NAV1: variants seen among roughly 807,000 people sequenced by gnomAD.
NAV1 encodes the protein pore membrane and/or filament interacting like protein 3.
Under a neutral mutation model 175.2 loss-of-function variants are expected in NAV1, and 18 were observed. The observed-to-expected ratio is 0.10, with a 90% CI of 0.07 to 0.15. The LOEUF (loss-of-function observed/expected upper bound fraction) is 0.15. Ranked by LOEUF, NAV1 falls within the 10% of genes least tolerant of loss-of-function variation. The pLI, the probability that NAV1 is intolerant of heterozygous loss-of-function variation, is 1.00. For missense variants in NAV1, 1,731 were observed against 2,436.6 expected (o/e 0.71, Z 6.10); for synonymous variants, 897 against 978.7 (o/e 0.92, Z 1.56).
intron 15 of NAV1, among the ~76,000 whole-genome samples, chr1:201,798,904 T>C (rs2102771676): frequency 6.6e-6 from 1 of 151,950 alleles, no homozygotes; most frequent in East Asian, 1.9e-4. Flanking sequence ...GGTCTCACCA[T>C]GTTGGCCAGG....
At chr1:201,776,954 AACAGGTC>A (rs1432534047) in intron 3 of NAV1, among the ~76,000 whole-genome samples, 1 of 152,188 alleles carries the variant, frequency 6.6e-6, no homozygotes, top group Non-Finnish European at 1.5e-5. Flanking sequence ...GACAAAAAAA[AACAGGTC>A]ACATACAAGG....
chr1:201,562,156 C>A (rs1045440928), intron 1 of NAV1, among the ~76,000 whole-genome samples: 3 of 149,882 alleles, frequency 2.0e-5, no homozygotes. Flanking sequence ...AGGCACACAC[C>A]ACCTTGCCTG....
At chr1:201,765,306 C>T (rs561751489) in intron 3 of NAV1, among the ~76,000 whole-genome samples, 3 of 149,702 alleles carry the variant, frequency 2.0e-5, no homozygotes, top group East Asian at 2.0e-4. Context: ...ATTTCAGCAT[C>T]GAACAGAATG....
chr1:201,713,690 A>C (rs546424090), intron 2 of NAV1, among the ~76,000 whole-genome samples: 1 of 152,278 alleles, frequency 6.6e-6, no homozygotes, highest in South Asian at 2.1e-4. Context: ...GGCAGAACAG[A>C]CAGCCAGATT....
In NAV1 at chr1:201,813,078, A is replaced by C. The variant is rs1678792995; in HGVS notation, c.5222-62A>C. 9.1e-6 allele frequency: 11 copies of C among 1,208,268 alleles called. No individual in the cohort carries two copies. The East Asian group carries it at 2.6e-4, about 28-fold the overall frequency. 74.8% of individuals were successfully genotyped at this position (1,208,268 alleles called of 1,614,324 possible). A position where few individuals can be genotyped will look rare whatever the true frequency, so the allele number is the denominator to read the frequency against. Reference sequence around the variant, plus strand: ...TCTGCCTGGTACTAAGGAGTAAAAGAGGCACACAACCGGGAAGATCTAGGT... The same window carrying C: ...TCTGCCTGGTACTAAGGAGTAAAAGCGGCACACAACCGGGAAGATCTAGGT... On this transcript the variant is annotated intron_variant, in intron 27 of 29. Coordinates refer to ENST00000367296, the Ensembl canonical transcript of NAV1. The surrounding 1 kb of genome is among the most constrained non-coding windows in gnomAD (Gnocchi z 4.2).
chr1:201,762,354 C>T (rs1245253874), intron 3 of NAV1, among the ~76,000 whole-genome samples: 2 of 151,946 alleles, frequency 1.3e-5, no homozygotes, highest in African/African-American at 4.8e-5. Flanking sequence ...TTTAGGGGTT[C>T]TTTTTTTGGT....
intron 28 of NAV1, among the ~76,000 whole-genome samples, chr1:201,815,493 C>T (rs1245178621): frequency 1.3e-5 from 2 of 152,204 alleles, no homozygotes; most frequent in Admixed American, 6.5e-5. Flanking sequence ...AAGACAAATA[C>T]TGCATGATCT....
rs1252869758 is a variant in NAV1, at chr1:201,817,291, TA to T, written c.5538+7del. 2 of 1,613,362 alleles carry T rather than the reference TA, an allele frequency of 1.2e-6. No individual in the cohort carries two copies. Among genetic ancestry groups the T allele is most frequent in the Non-Finnish European group, 1.7e-6 (2 of 1,179,626 alleles). On this transcript the variant is annotated splice_region_variant and intron_variant, in intron 29 of 29. Transcript: ENST00000367296. Reference sequence around the variant, plus strand: ...CTCTGGACTCAGATCCTCTGGTGAGTAGAAGCCATTCTAGAGTAAAAATAAG... The same window carrying T: ...CTCTGGACTCAGATCCTCTGGTGAGTGAAGCCATTCTAGAGTAAAAATAAG...
At chr1:201,758,055 T>G (rs905694735) in intron 3 of NAV1, among the ~76,000 whole-genome samples, 1 of 152,228 alleles carries the variant, frequency 6.6e-6, no homozygotes, top group African/African-American at 2.4e-5. Flanking sequence ...TTTTTTTTCT[T>G]GTCCTCACCA....
At chr1:201,647,143 C>G (rs1452127076), upstream of NAV1, among the ~76,000 whole-genome samples, 1 of 152,216 alleles carries the variant, frequency 6.6e-6, no homozygotes, top group African/African-American at 2.4e-5. Flanking sequence ...CCTCCACTTT[C>G]TCCTGAGAGC....
intron 3 of NAV1, among the ~76,000 whole-genome samples, chr1:201,747,798 C>T (rs2102584388): frequency 6.6e-6 from 1 of 152,276 alleles, no homozygotes; most frequent in Non-Finnish European, 1.5e-5. Context: ...TACTGTTTTT[C>T]CCCCATTTAA....
At chr1:201,613,403 T>A (rs1489365802) in intron 2 of NAV1, among the ~76,000 whole-genome samples, 1 of 152,172 alleles carries the variant, frequency 6.6e-6, no homozygotes, top group Non-Finnish European at 1.5e-5. Context: ...ACAATGTTTC[T>A]GCTATTCTGA....
At chr1:201,580,190 A>G (rs1196472119) in intron 1 of NAV1, among the ~76,000 whole-genome samples, 2 of 152,190 alleles carry the variant, frequency 1.3e-5, no homozygotes, top group African/African-American at 2.4e-5. Flanking sequence ...GGCTGCCCAC[A>G]TTGGGTGAAG....
intron 1 of NAV1, among the ~76,000 whole-genome samples, chr1:201,684,721 C>T (rs560508597): frequency 2.6e-5 from 4 of 152,080 alleles, no homozygotes; most frequent in South Asian, 4.2e-4. Context: ...GTGATCCACT[C>T]GCCTCAGCCT....
intron 1 of NAV1, among the ~76,000 whole-genome samples, chr1:201,574,583 C>T (rs1350369091): frequency 6.6e-6 from 1 of 152,186 alleles, no homozygotes; most frequent in East Asian, 1.9e-4. Context: ...ATCCCAGTAG[C>T]TTACTGAGCA....
chr1:201,549,077 C>CTCTTTCTTTCTTTCTTTCTTTCTT (rs200725995), intron 1 of NAV1, among the ~76,000 whole-genome samples: 1 of 130,012 alleles, frequency 7.7e-6, no homozygotes, highest in African/African-American at 3.0e-5. Flanking sequence ...TTCTAGTTTT[C>CTCTTTCTTTCTTTCTTTCTTTCTT]TCTTTCTTTC....
At chr1:201,641,966 TTC>T (rs768012005) in intron 2 of NAV1, among the ~76,000 whole-genome samples, 25 of 149,928 alleles carry the variant, frequency 1.7e-4, no homozygotes, top group Non-Finnish European at 2.8e-4. Flanking sequence ...CTTCCTTCCT[TTC>T]TCTCTCTCTC....
In NAV1 at chr1:201,565,685, AT is replaced by A. The variant is rs1480294364; in HGVS notation, c.-143-22849del. 3.3e-5 allele frequency among the ~76,000 whole-genome samples: 5 copies of A among 152,170 alleles called. No individual in the cohort carries two copies. The East Asian group carries it at 9.6e-4, about 29-fold the overall frequency. The stretch of plus-strand genomic sequence containing the variant: ...GCTATTTGCAAAGCGTTTTGCAATC[AT>A]TTTTATTAGCAGAGCCCCTGAGACT... On this transcript the variant is annotated intron_variant, in intron 1 of 33. Transcript: ENST00000685211.
intron 1 of NAV1, among the ~76,000 whole-genome samples, chr1:201,665,402 A>C (rs533007841): frequency 2.0e-5 from 3 of 152,298 alleles, no homozygotes; most frequent in African/African-American, 7.2e-5. Flanking sequence ...CAGCTGGCTT[A>C]GAAATCAGCT....
Sources: gnomAD v4.1 joint callset for allele counts (sites outside exome capture counted in the v4.1 genomes callset) on GRCh38, gnomAD v4.1.1 for gene constraint, Gnocchi (gnomAD v3.1) non-coding constraint, MANE v1.5 for transcripts, NCBI Gene and HGNC (gene_info 2026-07-23, HGNC 2026-07-21) for gene names.